The following PCDH15 variants were observed in gnomAD, a reference collection of about 807,000 sequenced individuals.
PCDH15 encodes the protein protocadherin-15.
Under a neutral mutation model 178.5 loss-of-function variants are expected in PCDH15, and 129 were observed. That is an observed-to-expected ratio of 0.72 (90% CI 0.63 to 0.84). PCDH15 has a LOEUF of 0.84. Among genes scored for constraint, PCDH15 ranks in the 40% least tolerant of loss-of-function variants. The pLI, the probability that PCDH15 is intolerant of heterozygous loss-of-function variation, is 0.00. For missense variants in PCDH15, 2,230 were observed against 2,099.9 expected, an observed-to-expected ratio of 1.06 and a Z score of -1.21; for synonymous variants, 800 against 732.0, an observed-to-expected ratio of 1.09 and a Z score of -1.50.
chr10:54,604,289 T>TTA lies in PCDH15; in HGVS notation c.91+59881_91+59882dup, dbSNP rs570882752. On this transcript the variant is annotated intron_variant, in intron 2 of 37. Transcript: ENST00000644397. ...AAAAGTTCTGTAGATGTCTGTTAGG[T>TTA]TAATTTGGTCTCTCCTATTGTTCAA... Among the ~76,000 whole-genome samples, 25 of 152,064 alleles carry TTA rather than the reference T, an allele frequency of 1.6e-4. No homozygotes were observed. In the East Asian group the frequency reaches 4.6e-3, roughly 28 times the overall value.
chr10:54,851,301 G>C (rs1431252366), intron 3 of PCDH15, among the ~76,000 whole-genome samples: 1 of 151,706 alleles, frequency 6.6e-6, no homozygotes, highest in African/African-American at 2.4e-5. Context: ...AGTCAAAAAT[G>C]CTAAAAAGAC....
intron 2 of PCDH15, among the ~76,000 whole-genome samples, chr10:55,131,250 T>C (rs1043212856): frequency 2.6e-5 from 4 of 152,132 alleles, no homozygotes; most frequent in African/African-American, 9.7e-5. Flanking sequence ...GTCTCCATAG[T>C]CTCCATAGTT....
At chr10:54,853,273 A>C (rs1953661024) in intron 3 of PCDH15, among the ~76,000 whole-genome samples, 1 of 114,396 alleles carries the variant, frequency 8.7e-6, no homozygotes, top group African/African-American at 3.2e-5. Flanking sequence ...ATATATATAT[A>C]TGTGTATGTA....
At chr10:54,738,325 A>C (rs1371131284) in intron 1 of PCDH15, among the ~76,000 whole-genome samples, 1 of 152,142 alleles carries the variant, frequency 6.6e-6, no homozygotes, top group African/African-American at 2.4e-5. Context: ...AGATATGGAA[A>C]TAAATAGTTT....
chr10:53,844,764 A>G (rs1009406008), intron 28 of PCDH15, among the ~76,000 whole-genome samples: 1 of 152,164 alleles, frequency 6.6e-6, no homozygotes, highest in Middle Eastern at 3.4e-3. Flanking sequence ...AAGACATAAA[A>G]CTGTAAAACT....
chr10:53,888,228 C>T (rs543357787), intron 26 of PCDH15, among the ~76,000 whole-genome samples: 2 of 145,050 alleles, frequency 1.4e-5, no homozygotes, highest in Admixed American at 6.9e-5. Context: ...GTATAGCTGA[C>T]ATTCTCTTTA....
intron 27 of PCDH15, among the ~76,000 whole-genome samples, chr10:53,865,598 C>T (rs1325406589): frequency 6.6e-6 from 1 of 152,124 alleles, no homozygotes; most frequent in African/African-American, 2.4e-5. Context: ...TTATGTCAAA[C>T]TTAATATCTC....
At chr10:55,142,723 A>AGCC (rs1838389063) in intron 2 of PCDH15, among the ~76,000 whole-genome samples, 1 of 151,426 alleles carries the variant, frequency 6.6e-6, no homozygotes, top group South Asian at 2.1e-4. Flanking sequence ...GGTCCACTGA[A>AGCC]TAAAACTCAG....
At chr10:55,036,943 C>A (rs2131972552) in intron 2 of PCDH15, among the ~76,000 whole-genome samples, 1 of 152,218 alleles carries the variant, frequency 6.6e-6, no homozygotes, top group South Asian at 2.1e-4. Flanking sequence ...TTTTGTTTTG[C>A]TTTCAAAAAA....
chr10:55,133,691 T>C (rs1179963609), intron 2 of PCDH15, among the ~76,000 whole-genome samples: 2 of 152,148 alleles, frequency 1.3e-5, no homozygotes, highest in Non-Finnish European at 2.9e-5. Flanking sequence ...TTTCCCCAAA[T>C]ATGCTCCATC....
chr10:53,905,214 G>A, intron 25 of PCDH15: 1 of 518,848 alleles, frequency 1.9e-6, no homozygotes, highest in South Asian at 1.4e-5. Flanking sequence ...AACGTCATCT[G>A]CTCCCCTGTC....
chr10:55,146,618 A>G (rs889441545), intron 2 of PCDH15, among the ~76,000 whole-genome samples: 4 of 151,956 alleles, frequency 2.6e-5, no homozygotes, highest in African/African-American at 9.7e-5. Flanking sequence ...GTTATACATG[A>G]AAGAGCTTGC....
chr10:55,279,551 T>C (rs930887922), intron 1 of PCDH15, among the ~76,000 whole-genome samples: 2 of 152,208 alleles, frequency 1.3e-5, no homozygotes, highest in African/African-American at 4.8e-5. Flanking sequence ...GCCTCATGCT[T>C]AGTTTAATGC....
chr10:55,171,813 G>A (rs1313053562), intron 1 of PCDH15, among the ~76,000 whole-genome samples: 2 of 151,546 alleles, frequency 1.3e-5, no homozygotes, highest in Admixed American at 6.6e-5. Flanking sequence ...TTTGATTAGT[G>A]ATCTAGAAAA....
At chr10:53,981,080 C>T (rs1253665630) in intron 21 of PCDH15, among the ~76,000 whole-genome samples, 1 of 152,014 alleles carries the variant, frequency 6.6e-6, no homozygotes, top group Non-Finnish European at 1.5e-5. Context: ...GCAGACAAAT[C>T]CTGCATTGGT....
At chr10:55,079,617 G>A (rs1296987056) in intron 2 of PCDH15, among the ~76,000 whole-genome samples, 1 of 152,226 alleles carries the variant, frequency 6.6e-6, no homozygotes, top group African/African-American at 2.4e-5. Context: ...GACAACAGTG[G>A]GCCAGGTGGG....
chr10:55,015,406 G>A (rs1010204165), intron 2 of PCDH15, among the ~76,000 whole-genome samples: 5 of 151,714 alleles, frequency 3.3e-5, no homozygotes, highest in Admixed American at 6.6e-5. Context: ...CCTGGAAAAC[G>A]CAGACATACT....
chr10:55,546,199 GA>G (rs1841878771), intron 2 of PCDH15, among the ~76,000 whole-genome samples: 1 of 151,932 alleles, frequency 6.6e-6, no homozygotes, highest in East Asian at 1.9e-4. Context: ...TAAATAGAGG[GA>G]AAAACATGTA....
intron 9 of PCDH15, among the ~76,000 whole-genome samples, chr10:54,217,532 A>C (rs1205440674): frequency 6.6e-6 from 1 of 152,104 alleles, no homozygotes; most frequent in Admixed American, 6.5e-5. Context: ...TTGGCAGGGG[A>C]TGATAAAGAG....
Sources: allele counts gnomAD v4.1 joint callset (sites outside exome capture counted in the v4.1 genomes callset), GRCh38; gene constraint gnomAD v4.1.1; transcripts MANE v1.5; gene names NCBI Gene and HGNC (gene_info 2026-07-23, HGNC 2026-07-21).